Variants in NTN1 observed in about 807,000 individuals in gnomAD.
NTN1 encodes the protein netrin 1, also known as netrin-1.
A neutral mutation model predicts 54.2 loss-of-function variants in NTN1; 11 were observed. The observed-to-expected ratio is 0.20, with a 90% CI of 0.13 to 0.34. NTN1 has a LOEUF of 0.34. Among genes scored for constraint, NTN1 ranks in the 10% least tolerant of loss-of-function variants. The probability of loss-of-function intolerance (pLI) is 1.00; values close to 1 mark genes in which losing one functional copy is unlikely to be tolerated. For synonymous variants in NTN1, 371 were observed against 382.0 expected, an observed-to-expected ratio of 0.97 and a Z score of 0.33; for missense variants, 740 against 893.1, an observed-to-expected ratio of 0.83 and a Z score of 2.18.
chr17:9,169,722 G>T (rs528765433), intron 3 of NTN1, among the ~76,000 whole-genome samples: 1 of 152,204 alleles, frequency 6.6e-6, no homozygotes, highest in Non-Finnish European at 1.5e-5. Flanking sequence ...AGAATTAGCC[G>T]GGTGTGGTGG....
chr17:9,136,436 G>C (rs1475315495), intron 2 of NTN1, among the ~76,000 whole-genome samples: 1 of 152,090 alleles, frequency 6.6e-6, no homozygotes, highest in Non-Finnish European at 1.5e-5. Context: ...AATTAGCCAG[G>C]CATAGTGGCA....
chr17:9,159,537 C>T (rs2092351720), intron 2 of NTN1, among the ~76,000 whole-genome samples: 1 of 152,308 alleles, frequency 6.6e-6, no homozygotes, highest in Admixed American at 6.5e-5. Flanking sequence ...CGCAGTGGCT[C>T]ATGTCTGTAA....
intron 2 of NTN1, among the ~76,000 whole-genome samples, chr17:9,116,016 C>T (rs1883125987): frequency 6.6e-6 from 1 of 152,254 alleles, no homozygotes; most frequent in South Asian, 2.1e-4. Flanking sequence ...GCATTTGTTT[C>T]TCCGGGGGCA....
In NTN1 at chr17:9,241,617, G is replaced by C. The variant is rs1457412970; in HGVS notation, c.*1649G>C. 6.6e-6 allele frequency: 1 copy of C among 152,276 alleles called. No homozygotes were observed. The highest frequency in any genetic ancestry group is 2.4e-5 in the African/African-American group (1 of 41,462). 9.4% of individuals were successfully genotyped at this position (152,276 alleles called of 1,614,324 possible). On this transcript the variant is annotated 3_prime_UTR_variant, in exon 7 of 7. Coordinates refer to ENST00000173229, the MANE Select transcript of NTN1 (RefSeq NM_004822.3). ...AAGGGTCATACCAAGTATGAAGCTCGGCCCCCGGTGGTCTGGCTTCCCTCC... is the reference window on the plus strand; with the variant it reads ...AAGGGTCATACCAAGTATGAAGCTCCGCCCCCGGTGGTCTGGCTTCCCTCC...
intron 2 of NTN1, among the ~76,000 whole-genome samples, chr17:9,111,570 C>A (rs372028110): frequency 6.6e-6 from 1 of 152,170 alleles, no homozygotes; most frequent in Non-Finnish European, 1.5e-5. Flanking sequence ...TTTAGAGGCA[C>A]TGACTGCCCC....
intron 2 of NTN1, among the ~76,000 whole-genome samples, chr17:9,112,999 TG>T (rs1446313247): frequency 9.9e-5 from 15 of 151,760 alleles, no homozygotes; most frequent in African/African-American, 2.7e-4. Context: ...GGTGAATCAA[TG>T]ATACGTTTTG....
chr17:9,114,448 A>T (rs1200080284), intron 2 of NTN1, among the ~76,000 whole-genome samples: 1 of 87,894 alleles, frequency 1.1e-5, no homozygotes, highest in African/African-American at 4.0e-5. Context: ...TACTTGAGTT[A>T]AAAAAAAAAA....
chr17:9,203,205 G>A (rs947171382), intron 5 of NTN1, among the ~76,000 whole-genome samples: 4 of 152,162 alleles, frequency 2.6e-5, no homozygotes, highest in African/African-American at 9.7e-5. Flanking sequence ...ACAGGTGTGA[G>A]CCACCATGCC....
intron 5 of NTN1, among the ~76,000 whole-genome samples, chr17:9,207,660 A>G (rs1905000755): frequency 6.6e-6 from 1 of 152,166 alleles, no homozygotes; most frequent in African/African-American, 2.4e-5. Flanking sequence ...TGCAGCCCTG[A>G]AGCTCATCAG....
intron 2 of NTN1, among the ~76,000 whole-genome samples, chr17:9,043,610 C>T (rs566965202): frequency 2.0e-5 from 3 of 149,930 alleles, no homozygotes; most frequent in Non-Finnish European, 4.4e-5. Context: ...GAGTTTCCCT[C>T]TTGTTGCCCA....
At chr17:9,189,542 G>A (rs559152363) in intron 5 of NTN1, among the ~76,000 whole-genome samples, 3 of 152,176 alleles carry the variant, frequency 2.0e-5, no homozygotes, top group African/African-American at 7.2e-5. Flanking sequence ...AGTAGAGACG[G>A]GGTTTCACCA....
intron 2 of NTN1, among the ~76,000 whole-genome samples, chr17:9,055,328 C>T (rs1242949210): frequency 6.6e-6 from 1 of 152,220 alleles, no homozygotes; most frequent in Non-Finnish European, 1.5e-5. Context: ...CACCACTGCA[C>T]CACTGGACAA....
At chr17:9,034,489 C>T (rs1567695342) in intron 2 of NTN1, among the ~76,000 whole-genome samples, 1 of 148,408 alleles carries the variant, frequency 6.7e-6, no homozygotes. Flanking sequence ...GTGGTACGAT[C>T]TCAGCTCACT....
chr17:9,224,369 T>C (rs1905463983), intron 6 of NTN1, among the ~76,000 whole-genome samples: 3 of 152,092 alleles, frequency 2.0e-5, no homozygotes, highest in Admixed American at 2.0e-4. Flanking sequence ...ATGGGGGGCA[T>C]CTCTCTTGGG....
At chr17:9,147,690 C>T (rs1216846426) in intron 2 of NTN1, among the ~76,000 whole-genome samples, 2 of 152,094 alleles carry the variant, frequency 1.3e-5, no homozygotes, top group African/African-American at 4.8e-5. Flanking sequence ...TGAAGGTCTC[C>T]AGGGATGGCA....
rs982881230 is a variant in NTN1 at position 9,243,588 on chromosome 17, G to C, written c.*3620G>C. 1.3e-5 allele frequency: 2 copies of C among 152,170 alleles called. No individual in the cohort carries two copies. Among genetic ancestry groups the C allele is most frequent in the East Asian group, 3.9e-4 (2 of 5,174 alleles). The allele number at this position is 152,170 out of a possible 1,614,324, so 9.4% of individuals were successfully genotyped here. ...TTCCTGTGGGCCATGGCACACCGGG[G>C]GGGATCAAAATGTGTACTTGTGGGG... On this transcript the variant is annotated 3_prime_UTR_variant, in exon 7 of 7. Coordinates refer to ENST00000173229, the MANE Select transcript of NTN1 (RefSeq NM_004822.3).
chr17:9,227,630 C>T (rs1227055518), intron 6 of NTN1, among the ~76,000 whole-genome samples: 23 of 150,764 alleles, frequency 1.5e-4, no homozygotes, highest in Admixed American at 4.0e-4. Context: ...CAGACTATCA[C>T]GCACACACAT....
chr17:9,192,262 C>G (rs762320595), intron 5 of NTN1, among the ~76,000 whole-genome samples: 1 of 152,152 alleles, frequency 6.6e-6, no homozygotes, highest in Non-Finnish European at 1.5e-5. Flanking sequence ...AAAAGAGAGA[C>G]ACAACCTACG....
In NTN1 at chr17:9,050,542, C is replaced by T. The variant is rs539065390; in HGVS notation, c.1018+27151C>T. ...AAAATTAGCCAGGCATGGCGGTGCA[C>T]GCCTGTAATCCCAGCCACTCGGGAG... On this transcript the variant is annotated intron_variant, in intron 2 of 6. Coordinates refer to ENST00000173229, the MANE Select transcript of NTN1 (RefSeq NM_004822.3). Among the ~76,000 whole-genome samples the T allele has an allele frequency of 4.4e-3, 671 of 151,882 alleles. 5 individuals are homozygous for T. Among genetic ancestry groups the T allele is most frequent in the African/African-American group, 0.015 (627 of 41,432 alleles).
Sources: allele counts gnomAD v4.1 joint callset (sites outside exome capture counted in the v4.1 genomes callset), GRCh38; gene constraint gnomAD v4.1.1; transcripts MANE v1.5; gene names NCBI Gene and HGNC (gene_info 2026-07-23, HGNC 2026-07-21).